The following ADD3 variants were observed in gnomAD, a reference collection of about 807,000 sequenced individuals.
The protein encoded by ADD3 is gamma-adducin.
Under a neutral mutation model 80.2 loss-of-function variants are expected in ADD3, and 25 were observed. That is an observed-to-expected ratio of 0.31 (90% CI 0.23 to 0.44). The LOEUF (loss-of-function observed/expected upper bound fraction) is 0.44, where lower values mean the gene tolerates loss of function less well. Among genes scored for constraint, ADD3 ranks in the 20% least tolerant of loss-of-function variants. The pLI is 1.00. For missense variants in ADD3, 829 were observed against 847.5 expected, an observed-to-expected ratio of 0.98 and a Z score of 0.27; for synonymous variants, 284 against 289.6, an observed-to-expected ratio of 0.98 and a Z score of 0.20.
rs1853462909 is a variant in ADD3 at position 110,134,637 on chromosome 10, G to C, written c.*1019G>C. The C allele has an allele frequency of 6.6e-6, 1 of 152,540 alleles. No homozygotes were observed. The highest frequency in any genetic ancestry group is 1.5e-5 in the Non-Finnish European group (1 of 68,010). The allele number at this position is 152,540 out of a possible 1,614,324, so 9.4% of individuals were successfully genotyped here. A position where few individuals can be genotyped will look rare whatever the true frequency, so the allele number is the denominator to read the frequency against. On this transcript the variant is annotated 3_prime_UTR_variant, in exon 15 of 15. Transcript: ENST00000356080. ...TGAAAGGGAAAGTGAAAAATTAAGG[G>C]GACAAAAGATGGGATGTGAAAAGAA... is the stretch of plus-strand genomic sequence containing the variant.
intron 12 of ADD3, among the ~76,000 whole-genome samples, chr10:110,127,469 T>C (rs1161138186): frequency 1.3e-5 from 2 of 152,110 alleles, no homozygotes; most frequent in East Asian, 1.9e-4. Context: ...ATACAAAAAT[T>C]AGCTGTGCGT....
intron 1 of ADD3, among the ~76,000 whole-genome samples, chr10:110,000,655 G>C (rs145910652): frequency 6.6e-6 from 1 of 152,340 alleles, no homozygotes; most frequent in African/African-American, 2.4e-5. Context: ...TAAGCACTTA[G>C]AGAATGTACA....
At chr10:110,067,173 TC>T (rs1844058085) in intron 1 of ADD3, among the ~76,000 whole-genome samples, 1 of 152,230 alleles carries the variant, frequency 6.6e-6, no homozygotes, top group South Asian at 2.1e-4. Context: ...TAATAAATCA[TC>T]TATAAAAAAC....
intron 1 of ADD3, among the ~76,000 whole-genome samples, chr10:110,038,252 A>AG (rs1430777442): frequency 6.6e-6 from 1 of 151,766 alleles, no homozygotes; most frequent in Non-Finnish European, 1.5e-5. Flanking sequence ...AGTGTGGACT[A>AG]GGTGGGGGTA....
intron 14 of ADD3, 168 bp downstream of exon 14, chr10:110,132,568 T>G: frequency 1.7e-6 from 1 of 572,262 alleles, no homozygotes; most frequent in East Asian, 2.9e-5. Context: ...AATGGGGCGC[T>G]ACTTTTGTTC....
At chr10:110,014,083 G>A (rs1852641137) in intron 1 of ADD3, among the ~76,000 whole-genome samples, 1 of 152,126 alleles carries the variant, frequency 6.6e-6, no homozygotes, top group African/African-American at 2.4e-5. Context: ...CAGAAAGTTG[G>A]GTTTACTCAT....
At chr10:110,088,015 A>G (rs1461796682) in intron 1 of ADD3, among the ~76,000 whole-genome samples, 3 of 151,930 alleles carry the variant, frequency 2.0e-5, no homozygotes, top group East Asian at 3.9e-4. Context: ...CATCGGTTCA[A>G]TCTCTGCCCT....
At chr10:110,061,599 T>C (rs1858898611) in intron 1 of ADD3, among the ~76,000 whole-genome samples, 1 of 152,184 alleles carries the variant, frequency 6.6e-6, no homozygotes. Flanking sequence ...GAATATCCAT[T>C]TGCACAGAGA....
At chr10:110,067,924 T>A (rs1844175523) in intron 1 of ADD3, among the ~76,000 whole-genome samples, 1 of 152,212 alleles carries the variant, frequency 6.6e-6, no homozygotes, top group African/African-American at 2.4e-5. Context: ...TTACTTCTCT[T>A]TGTTTAATAT....
At chr10:110,111,376 A>G (rs573725056) in intron 2 of ADD3, among the ~76,000 whole-genome samples, 35 of 152,342 alleles carry the variant, frequency 2.3e-4, no homozygotes, top group African/African-American at 7.7e-4. Context: ...GACAAACTTA[A>G]TAAGTGTTGG....
intron 12 of ADD3, among the ~76,000 whole-genome samples, chr10:110,129,680 C>CT (rs35890470): frequency 6.6e-6 from 1 of 152,192 alleles, no homozygotes; most frequent in Non-Finnish European, 1.5e-5. Context: ...CATTTGCATC[C>CT]TTTTTTTCAG....
intron 1 of ADD3, among the ~76,000 whole-genome samples, chr10:110,068,843 G>GAGTC (rs1165472980): frequency 6.6e-6 from 1 of 152,192 alleles, no homozygotes; most frequent in Non-Finnish European, 1.5e-5. Flanking sequence ...TTGGGAGGCT[G>GAGTC]AGGGAGCTGG....
chr10:110,021,717 G>C (rs1350266038), intron 1 of ADD3, among the ~76,000 whole-genome samples: 1 of 152,130 alleles, frequency 6.6e-6, no homozygotes, highest in Non-Finnish European at 1.5e-5. Flanking sequence ...GGGGGAAATG[G>C]GGAGTGGCAG....
intron 1 of ADD3, among the ~76,000 whole-genome samples, chr10:110,051,161 T>G (rs1457846619): frequency 2.6e-5 from 4 of 152,106 alleles, no homozygotes; most frequent in African/African-American, 7.2e-5. Context: ...AAACTCAAAA[T>G]GGATCAAAAA....
rs1590206380 is a variant in ADD3, at chr10:110,119,330, G to A, written c.837G>A (p.Gln279=). The part of the protein sequence containing the change: ...LEEQEERIQL[Q]KVLGPSCKVL... ...AACAGGAGGAGAGAATTCAACTGCA[G>A]AAGGTTCTGGGACCAAGTTGTAAGG... The change falls in exon 7 of 15, where the codon CAG becomes CAA. Residue 279 remains glutamine, a synonymous_variant. Transcript: ENST00000356080. 4.3e-6 allele frequency: 7 copies of A among 1,614,126 alleles called. No homozygotes were observed. Among genetic ancestry groups the A allele is most frequent in the Non-Finnish European group, 5.9e-6 (7 of 1,180,000 alleles).
intron 1 of ADD3, among the ~76,000 whole-genome samples, chr10:110,057,105 G>A (rs1248037715): frequency 6.6e-6 from 1 of 152,138 alleles, no homozygotes; most frequent in Non-Finnish European, 1.5e-5. Flanking sequence ...ATGGATAAGA[G>A]ATGGGCTGGG....
intron 2 of ADD3, among the ~76,000 whole-genome samples, chr10:110,105,359 G>A (rs917377008): frequency 1.3e-5 from 2 of 152,134 alleles, no homozygotes; most frequent in Admixed American, 6.5e-5. Context: ...GGAATTAAGT[G>A]ATTCCTTTTC....
At chr10:110,123,736 A>G (rs1851801654) in intron 9 of ADD3, 1 of 321,576 alleles carries the variant, frequency 3.1e-6, no homozygotes, top group Admixed American at 4.3e-5. Context: ...ATAGATAGAA[A>G]AGCACTTCTG....
chr10:110,063,778 T>TATATATATATAC (rs1843560260), intron 1 of ADD3, among the ~76,000 whole-genome samples: 1 of 104,128 alleles, frequency 9.6e-6, no homozygotes, highest in African/African-American at 3.7e-5. Flanking sequence ...TATATATATA[T>TATATATATATAC]ATATAAAGTG....
Sources: gnomAD v4.1 joint callset for allele counts (sites outside exome capture counted in the v4.1 genomes callset) on GRCh38, gnomAD v4.1.1 for gene constraint, MANE v1.5 for transcripts, NCBI Gene and HGNC (gene_info 2026-07-23, HGNC 2026-07-21) for gene names.